The following GRIK4 variants were observed in gnomAD, a reference collection of about 807,000 sequenced individuals.
The protein encoded by GRIK4 is glutamate ionotropic receptor kainate type subunit 4.
In GRIK4, 40 loss-of-function variants were observed where a neutral mutation model predicts 104.9. That is an observed-to-expected ratio of 0.38 (90% CI 0.30 to 0.50). GRIK4 has a LOEUF of 0.50. Among genes scored for constraint, GRIK4 ranks in the 20% least tolerant of loss-of-function variants. The probability of loss-of-function intolerance (pLI) is 0.93; values close to 1 mark genes in which losing one functional copy is unlikely to be tolerated. For synonymous variants in GRIK4, 485 were observed against 524.9 expected (o/e 0.92, Z 1.04); for missense variants, 1,047 against 1,308.1 (o/e 0.80, Z 3.08).
chr11:120,967,327 A>G lies in GRIK4; in HGVS notation c.2395+4A>G, dbSNP rs1490167950. On this transcript the variant is annotated splice_donor_region_variant and intron_variant, in intron 19 of 20. Transcript: ENST00000527524. This position sits in a 1 kb window ranked among gnomAD's most constrained non-coding sequence, Gnocchi z 4.2. ...GAGGAAGATCACAGAGCTAAAGGTA[A>G]GGACGTTCAGGGCCATCCTCCTCCT... The G allele has an allele frequency of 6.2e-7, 1 of 1,609,918 alleles. No individual in the cohort carries two copies. Among genetic ancestry groups the G allele is most frequent in the East Asian group, 2.2e-5 (1 of 44,730 alleles).
At chr11:120,715,291 G>A (rs1418929970) in intron 3 of GRIK4, among the ~76,000 whole-genome samples, 2 of 152,182 alleles carry the variant, frequency 1.3e-5, no homozygotes, top group Non-Finnish European at 2.9e-5. Flanking sequence ...ACGAGGGCAG[G>A]CAAGAAAGTC....
chr11:120,970,397 C>T (rs1449750822), intron 19 of GRIK4, among the ~76,000 whole-genome samples: 1 of 152,166 alleles, frequency 6.6e-6, no homozygotes, highest in Non-Finnish European at 1.5e-5. Flanking sequence ...CTTCTCTCCT[C>T]CTCCTTACTA....
rs144974272 is a variant in GRIK4 at position 120,802,768 on chromosome 11, A to T, written c.158A>T (p.Asn53Ile). 4 of 1,614,180 alleles carry T rather than the reference A, an allele frequency of 2.5e-6. No homozygotes were observed. The highest frequency in any genetic ancestry group is 3.4e-6 in the Non-Finnish European group (4 of 1,179,998). The change falls in exon 4 of 21, where the codon AAC (asparagine) becomes ATC (isoleucine). Residue 53 changes from asparagine to isoleucine, a missense_variant. Physicochemically the swap from Asn to Ile is moderately radical, Grantham distance 149 (BLOSUM62 -3). Transcript: ENST00000527524. ...LSITLAKNRI[N>I]RAPERLGKAK... ...ATCACCCTGGCCAAGAACCGCATCAACCGCGCTCCTGAGAGGCTGGGCAAG... is the reference window on the plus strand; with the variant it reads ...ATCACCCTGGCCAAGAACCGCATCATCCGCGCTCCTGAGAGGCTGGGCAAG...
intron 13 of GRIK4, chr11:120,936,070 C>CTCT (rs1253321152): frequency 9.1e-6 from 2 of 220,850 alleles, no homozygotes; most frequent in African/African-American, 2.3e-5. Context: ...CATCTTCCTC[C>CTCT]TCCTCCTCTT....
At chr11:120,527,604 G>A (rs1261852705) in intron 1 of GRIK4, among the ~76,000 whole-genome samples, 1 of 152,262 alleles carries the variant, frequency 6.6e-6, no homozygotes, top group Non-Finnish European at 1.5e-5. Context: ...TGGGGGCTGG[G>A]AGGAAGACGG....
intron 1 of GRIK4, among the ~76,000 whole-genome samples, chr11:120,607,039 T>C (rs1172435242): frequency 6.6e-6 from 1 of 152,084 alleles, no homozygotes; most frequent in Non-Finnish European, 1.5e-5. Context: ...CTCCTGGAGA[T>C]GGCAAGGGAA....
At chr11:120,587,769 C>T (rs1194821361) in intron 1 of GRIK4, among the ~76,000 whole-genome samples, 2 of 152,146 alleles carry the variant, frequency 1.3e-5, no homozygotes, top group East Asian at 3.9e-4. Flanking sequence ...GACTACCTGG[C>T]CAGGTACCAG....
At chr11:120,976,246 G>A (rs75786472) in intron 19 of GRIK4, among the ~76,000 whole-genome samples, 72 of 152,286 alleles carry the variant, frequency 4.7e-4, no homozygotes, top group Admixed American at 7.2e-4. Context: ...CCCATAGCTC[G>A]TGTTTGGATA....
rs927476058 is a variant in GRIK4 at position 120,524,960 on chromosome 11, G to A, written c.-159+13073G>A. 1.3e-5 allele frequency among the ~76,000 whole-genome samples: 2 copies of A among 152,166 alleles called. No individual in the cohort carries two copies. Among genetic ancestry groups the A allele is most frequent in the Admixed American group, 1.3e-4 (2 of 15,280 alleles). ...TCCACCTTCCGTCTTCTTGGCTTCT[G>A]GAGCCCATCAGGGGCTGCACCATGA... On this transcript the variant is annotated intron_variant, in intron 1 of 20. Coordinates refer to ENST00000527524, the MANE Select transcript of GRIK4 (RefSeq NM_014619.5). This position sits in a 1 kb window ranked among gnomAD's most constrained non-coding sequence, Gnocchi z 4.5.
chr11:120,579,372 G>C (rs1392640333), intron 1 of GRIK4, among the ~76,000 whole-genome samples: 1 of 152,158 alleles, frequency 6.6e-6, no homozygotes, highest in African/African-American at 2.4e-5. Context: ...GAGCCTTCCA[G>C]GCAAGGGGAA....
In GRIK4 at chr11:120,987,576, C is replaced by T. The variant is rs1278854845; in HGVS notation, c.*1316C>T. The T allele has an allele frequency of 3.9e-5, 6 of 152,224 alleles. No homozygotes were observed. The highest frequency in any genetic ancestry group is 8.8e-5 in the Non-Finnish European group (6 of 68,048). The allele number at this position is 152,224 out of a possible 1,614,324, so 9.4% of individuals were successfully genotyped here. On this transcript the variant is annotated 3_prime_UTR_variant, in exon 21 of 21. Coordinates refer to ENST00000527524, the MANE Select transcript of GRIK4 (RefSeq NM_014619.5). Reference sequence around the variant, plus strand: ...CTAGTCAATACACGGGCCTGGGAACCAGGAACTCTTGAGTCGTAACCTCAG... The same window carrying T: ...CTAGTCAATACACGGGCCTGGGAACTAGGAACTCTTGAGTCGTAACCTCAG...
intron 8 of GRIK4, among the ~76,000 whole-genome samples, chr11:120,849,020 G>C (rs550912578): frequency 2.0e-5 from 3 of 152,312 alleles, no homozygotes; most frequent in Non-Finnish European, 2.9e-5. Context: ...CCAATTATCA[G>C]ACAACCCCTT....
At chr11:120,985,845 G>T (rs2134815791) in intron 20 of GRIK4, 59 bp from the exon 21 acceptor site, 1 of 1,509,836 alleles carries the variant, frequency 6.6e-7, no homozygotes, top group East Asian at 2.5e-5. Context: ...CAGCGGACTC[G>T]CAGGGGGCCC....
rs765755383 is a variant in GRIK4 at position 120,982,099 on chromosome 11, C to G, written c.2396-7C>G. On this transcript the variant is annotated splice_region_variant and splice_polypyrimidine_tract_variant and intron_variant, in intron 19 of 20. Transcript: ENST00000527524. ...AATATTTTTCATTTGTTATCACTTT[C>G]TTACAGGCCTGGGAATGGAGAATAT... 6.6e-7 allele frequency: 1 copy of G among 1,520,990 alleles called. No homozygotes were observed. The highest frequency in any genetic ancestry group is 9.1e-7 in the Non-Finnish European group (1 of 1,095,374). 94.2% of individuals were successfully genotyped at this position (1,520,990 alleles called of 1,614,324 possible).
chr11:120,798,550 G>T (rs1952565680), intron 3 of GRIK4, among the ~76,000 whole-genome samples: 1 of 152,092 alleles, frequency 6.6e-6, no homozygotes, highest in African/African-American at 2.4e-5. Flanking sequence ...GATCCTGTTG[G>T]CTCACTGCAA....
At chr11:120,692,241 A>C (rs962346810) in intron 3 of GRIK4, among the ~76,000 whole-genome samples, 2 of 152,240 alleles carry the variant, frequency 1.3e-5, no homozygotes, top group Non-Finnish European at 2.9e-5. Context: ...GCCCAAGGAA[A>C]GCTGGCTCCA....
At chr11:120,792,245 TGTG>T (rs1479414620) in intron 3 of GRIK4, among the ~76,000 whole-genome samples, 1 of 151,684 alleles carries the variant, frequency 6.6e-6, no homozygotes, top group East Asian at 1.9e-4. Context: ...CGTGTGTGTG[TGTG>T]TGTGCGTGTG....
At chr11:120,933,022 G>A (rs185735413) in intron 13 of GRIK4, among the ~76,000 whole-genome samples, 1 of 152,338 alleles carries the variant, frequency 6.6e-6, no homozygotes, top group East Asian at 1.9e-4. Context: ...GGAAGGGACT[G>A]GGGAGAATGA....
At chr11:120,705,709 T>C (rs772744251) in intron 3 of GRIK4, among the ~76,000 whole-genome samples, 2 of 152,244 alleles carry the variant, frequency 1.3e-5, no homozygotes, top group African/African-American at 2.4e-5. Context: ...TAGTTCTTAG[T>C]GTACAAGTCT....
Sources: gnomAD v4.1 joint callset for allele counts (sites outside exome capture counted in the v4.1 genomes callset) on GRCh38, gnomAD v4.1.1 for gene constraint, Gnocchi (gnomAD v3.1) non-coding constraint, MANE v1.5 for transcripts, NCBI Gene and HGNC (gene_info 2026-07-23, HGNC 2026-07-21) for gene names.